The following FHIT variants were observed in gnomAD, a reference collection of about 807,000 sequenced individuals.
FHIT encodes the protein fragile histidine triad diadenosine triphosphatase, also known as bis(5'-adenosyl)-triphosphatase.
Under a neutral mutation model 17.9 loss-of-function variants are expected in FHIT, and 19 were observed. The observed-to-expected ratio is 1.06, with a 90% confidence interval of 0.74 to 1.56. The LOEUF (loss-of-function observed/expected upper bound fraction) is 1.56. Ranked by LOEUF, FHIT falls within the 40% of genes most tolerant of loss-of-function variation. The pLI, the probability that FHIT is intolerant of heterozygous loss-of-function variation, is 0.00. For missense variants in FHIT, 248 were observed against 189.2 expected (o/e 1.31, Z -1.82); for synonymous variants, 81 against 69.7 (o/e 1.16, Z -0.81).
In FHIT at chr3:60,014,006, C is replaced by A; in HGVS notation, c.249+1G>T. 1 of 1,613,814 alleles carries A rather than the reference C, an allele frequency of 6.2e-7. No individual in the cohort carries two copies. Among genetic ancestry groups the A allele is most frequent in the Non-Finnish European group, 8.5e-7 (1 of 1,179,822 alleles). On this transcript the variant is annotated splice_donor_variant, in intron 6 of 9. Transcript: ENST00000492590. LOFTEE classifies it high-confidence loss of function. Reference sequence around the variant, plus strand: ...CATTTCTGAGAAATCTGTACACTCACCTGCATGGAAAAGGTGAGAGAGGTC... The same window carrying A: ...CATTTCTGAGAAATCTGTACACTCAACTGCATGGAAAAGGTGAGAGAGGTC...
intron 3 of FHIT, among the ~76,000 whole-genome samples, chr3:60,845,616 C>G (rs1702901225): frequency 6.6e-6 from 1 of 152,004 alleles, no homozygotes; most frequent in Non-Finnish European, 1.5e-5. Context: ...ACATGGGGCC[C>G]CAGAATTTAT....
chr3:60,052,099 G>C (rs1055618648), intron 5 of FHIT, among the ~76,000 whole-genome samples: 1 of 152,136 alleles, frequency 6.6e-6, no homozygotes, highest in African/African-American at 2.4e-5. Flanking sequence ...TGAGCCACTT[G>C]TTTTTAGGAG....
chr3:61,164,153 A>T (rs2107106483), intron 2 of FHIT, among the ~76,000 whole-genome samples: 1 of 152,354 alleles, frequency 6.6e-6, no homozygotes, highest in South Asian at 2.1e-4. Flanking sequence ...GTCCAATGGT[A>T]TTCCAGATTC....
At chr3:60,245,222 T>G (rs1705331723) in intron 5 of FHIT, among the ~76,000 whole-genome samples, 2 of 152,082 alleles carry the variant, frequency 1.3e-5, no homozygotes, top group African/African-American at 4.8e-5. Flanking sequence ...TAAAATTATC[T>G]GTATGTTGGC....
rs113121815 is a variant in FHIT at position 60,516,065 on chromosome 3, G to T, written c.103+20795C>A. 2.8e-3 allele frequency among the ~76,000 whole-genome samples: 422 copies of T among 152,230 alleles called. 1 individual carries two copies. Among genetic ancestry groups the T allele is most frequent in the African/African-American group, 9.7e-3 (404 of 41,544 alleles). ...AATCTGGAGCTGAGACAAAGGAGTG[G>T]GGAAACATACTATGGGTTCAGAGGA... On this transcript the variant is annotated intron_variant, in intron 5 of 9. Transcript: ENST00000492590.
chr3:60,105,273 T>C (rs150518757), intron 5 of FHIT, among the ~76,000 whole-genome samples: 6 of 152,292 alleles, frequency 3.9e-5, no homozygotes, highest in African/African-American at 1.4e-4. Context: ...CAACTTTATT[T>C]CAGAGACAGT....
At chr3:61,088,080 G>A (rs1159854274) in intron 2 of FHIT, among the ~76,000 whole-genome samples, 3 of 152,048 alleles carry the variant, frequency 2.0e-5, no homozygotes, top group Non-Finnish European at 4.4e-5. Context: ...TTAGAAGAGA[G>A]AATCTGATTG....
chr3:60,264,646 C>T (rs1452619497), intron 5 of FHIT, among the ~76,000 whole-genome samples: 3 of 151,868 alleles, frequency 2.0e-5, no homozygotes, highest in Non-Finnish European at 2.9e-5. Context: ...AGAAGTCCTT[C>T]GAAAGCCTCT....
At position 60,257,837 on chromosome 3, in the gene FHIT, T is replaced by C. The variant is rs920984231; in HGVS notation, c.104-243685A>G. 2.1e-4 allele frequency among the ~76,000 whole-genome samples: 32 copies of C among 152,196 alleles called. 1 individual carries two copies. The highest frequency in any genetic ancestry group is 7.7e-4 in the African/African-American group (32 of 41,524). On this transcript the variant is annotated intron_variant, in intron 5 of 9. Transcript: ENST00000492590. Reference sequence around the variant, plus strand: ...AATGTTCTCACCTGTAAGTGGGAGCTGAATTATGAGAACAAATAGACACAT... The same window carrying C: ...AATGTTCTCACCTGTAAGTGGGAGCCGAATTATGAGAACAAATAGACACAT...
intron 7 of FHIT, among the ~76,000 whole-genome samples, chr3:59,938,080 C>A (rs1410591997): frequency 6.6e-6 from 1 of 152,100 alleles, no homozygotes; most frequent in Non-Finnish European, 1.5e-5. Flanking sequence ...AAATCACCAT[C>A]TTGTAAAGAT....
intron 6 of FHIT, among the ~76,000 whole-genome samples, chr3:60,013,780 A>C (rs1446228307): frequency 1.3e-5 from 2 of 152,066 alleles, no homozygotes; most frequent in South Asian, 4.2e-4. Flanking sequence ...CATTACTCCC[A>C]CCTGCTTGGT....
At chr3:60,524,197 GACACACACACAC>G (rs56975783) in intron 5 of FHIT, among the ~76,000 whole-genome samples, 2,053 of 144,962 alleles carry the variant, frequency 0.014, 34 homozygotes, top group African/African-American at 0.038. Flanking sequence ...GTCAGCCTGA[GACACACACACAC>G]ACACACACAC....
intron 4 of FHIT, among the ~76,000 whole-genome samples, chr3:60,807,409 CAAAAAAAAAGAA>C (rs1553734626): frequency 1.4e-5 from 2 of 141,692 alleles, no homozygotes; most frequent in Non-Finnish European, 3.1e-5. Context: ...CCTGTCTCTA[CAAAAAAAAAGAA>C]AAAAAAAAAG....
intron 4 of FHIT, among the ~76,000 whole-genome samples, chr3:60,649,136 G>A (rs535920901): frequency 3.9e-5 from 6 of 152,130 alleles, no homozygotes; most frequent in African/African-American, 7.2e-5. Context: ...GGTGGCTCAC[G>A]CCTGTAATCC....
At chr3:60,674,445 C>T (rs1362860587) in intron 4 of FHIT, among the ~76,000 whole-genome samples, 2 of 152,096 alleles carry the variant, frequency 1.3e-5, no homozygotes, top group African/African-American at 4.8e-5. Context: ...CCTCTTCACA[C>T]ATCCAGTAAT....
chr3:60,147,357 C>T (rs144281613), intron 5 of FHIT, among the ~76,000 whole-genome samples: 105 of 152,198 alleles, frequency 6.9e-4, no homozygotes, highest in Middle Eastern at 3.4e-3. Context: ...TCTTAACTGA[C>T]GATTCAAGAG....
At chr3:61,192,594 T>C (rs1388622189) in intron 2 of FHIT, among the ~76,000 whole-genome samples, 5 of 152,178 alleles carry the variant, frequency 3.3e-5, no homozygotes, top group Admixed American at 2.0e-4. Flanking sequence ...CCATTTCAAG[T>C]TGACTTTTTG....
chr3:60,729,162 A>C (rs879951641), intron 4 of FHIT, among the ~76,000 whole-genome samples: 1 of 152,354 alleles, frequency 6.6e-6, no homozygotes, highest in Non-Finnish European at 1.5e-5. Flanking sequence ...TAGCGGCTGT[A>C]TATCACTGCA....
chr3:60,962,504 G>A (rs1278471053), intron 3 of FHIT, among the ~76,000 whole-genome samples: 1 of 152,172 alleles, frequency 6.6e-6, no homozygotes, highest in African/African-American at 2.4e-5. Flanking sequence ...TCTCTGTCTT[G>A]TGCCAGTTTT....
Sources: gnomAD v4.1 joint callset for allele counts (sites outside exome capture counted in the v4.1 genomes callset) on GRCh38, gnomAD v4.1.1 for gene constraint, MANE v1.5 for transcripts, NCBI Gene and HGNC (gene_info 2026-07-23, HGNC 2026-07-21) for gene names.